The following STRBP variants were observed in gnomAD, a reference collection of about 807,000 sequenced individuals.
STRBP encodes spermatid perinuclear RNA binding protein, also known as spermatid perinuclear RNA-binding protein.
A neutral mutation model predicts 80.1 loss-of-function variants in STRBP; 13 were observed. That is an observed-to-expected ratio of 0.16 (90% CI 0.11 to 0.26). STRBP has a LOEUF of 0.26. STRBP is among the 10% of genes least tolerant of loss of function. The pLI, the probability that STRBP is intolerant of heterozygous loss-of-function variation, is 1.00. For missense variants in STRBP, 485 were observed against 815.2 expected (o/e 0.59, Z 4.93); for synonymous variants, 284 against 291.2 (o/e 0.98, Z 0.25).
chr9:123,193,254 C>T (rs149313869), intron 2 of STRBP, among the ~76,000 whole-genome samples: 43 of 152,278 alleles, frequency 2.8e-4, no homozygotes, highest in Non-Finnish European at 4.9e-4. Flanking sequence ...CTGCACTCAG[C>T]AGAGGCTCAA....
At chr9:123,191,168 C>T (rs1377176373) in intron 2 of STRBP, among the ~76,000 whole-genome samples, 1 of 152,172 alleles carries the variant, frequency 6.6e-6, no homozygotes, top group Non-Finnish European at 1.5e-5. Context: ...GTTGAGGAGG[C>T]AACAGAGTAA....
chr9:123,206,834 C>T (rs543325803), intron 2 of STRBP, among the ~76,000 whole-genome samples: 25 of 152,122 alleles, frequency 1.6e-4, no homozygotes, highest in African/African-American at 4.1e-4. Context: ...GACGGGGTTT[C>T]GCCATGTTGG....
At chr9:123,241,798 C>A (rs1270492309) in intron 1 of STRBP, among the ~76,000 whole-genome samples, 1 of 152,172 alleles carries the variant, frequency 6.6e-6, no homozygotes, top group Admixed American at 6.5e-5. Context: ...GTTCTGGTCT[C>A]TCTCCATACA....
chr9:123,213,686 G>T (rs2039790438), intron 2 of STRBP: 4 of 152,048 alleles, frequency 2.6e-5, no homozygotes, highest in East Asian at 1.9e-4. Context: ...AGCACTTTAG[G>T]AGCCAAGGCG....
chr9:123,253,161 TTAAAA>T (rs1333249678), intron 1 of STRBP, among the ~76,000 whole-genome samples: 3 of 152,048 alleles, frequency 2.0e-5, no homozygotes, highest in Non-Finnish European at 4.4e-5. Context: ...ATTTATGAAT[TTAAAA>T]TAAAATCATA....
chr9:123,119,261 C>T (rs192762944), downstream of STRBP, among the ~76,000 whole-genome samples: 11 of 152,204 alleles, frequency 7.2e-5, no homozygotes, highest in East Asian at 1.2e-3. Flanking sequence ...GGTTAGATTC[C>T]GGAGGCAGTT....
At chr9:123,111,081 G>C (rs576940842) in intron 3 of STRBP, 1 of 167,296 alleles carries the variant, frequency 6.0e-6, no homozygotes, top group African/African-American at 2.4e-5. Flanking sequence ...GGCTTGCCTG[G>C]CTACTTCCAA....
intron 14 of STRBP, among the ~76,000 whole-genome samples, chr9:123,139,056 T>C (rs2036479958): frequency 6.6e-6 from 1 of 152,234 alleles, no homozygotes; most frequent in African/African-American, 2.4e-5. Flanking sequence ...ATACATACTG[T>C]GTCAGGCTAT....
In STRBP at chr9:123,115,474, C is replaced by T. The variant is rs1280301732; in HGVS notation, c.*84+455G>A. On this transcript the variant is annotated intron_variant and NMD_transcript_variant, in intron 3 of 3. Coordinates refer to the STRBP transcript ENST00000471564. This position sits in a 1 kb window ranked among gnomAD's most constrained non-coding sequence, Gnocchi z 5.0. ...ACTCTCATTCTGTTCAAATCCTCTG[C>T]ACCTCTTTCTTCCCCTCCCTGTACT... 2.3e-6 allele frequency: 1 copy of T among 442,984 alleles called. No individual in the cohort carries two copies. Among genetic ancestry groups the T allele is most frequent in the African/African-American group, 2.0e-5 (1 of 49,450 alleles). The allele number at this position is 442,984 out of a possible 1,614,324, so 27.4% of individuals were successfully genotyped here.
At position 123,179,052 on chromosome 9, in the gene STRBP, C is replaced by T. The variant is rs761501828; in HGVS notation, c.179G>A (p.Gly60Asp). Residue 60 changes from glycine (G) to aspartate (D), a missense_variant, in exon 4 of 19, where the codon GGT (glycine) becomes GAT (aspartate). Physicochemically the swap from Gly to Asp is moderately conservative, Grantham distance 94. This residue lies in a region of STRBP where 377 missense variants were observed against 616.1 expected (regional missense o/e 0.61). Transcript: ENST00000348403. ...CTCATCTTTCTTCACTTCTGTCTCA[C>T]CCTCTGTTTTTGTGCCTTTATTTGT... ...DETNKGTKTEGETEVKKDEAG... is the reference protein window; with the variant it reads ...DETNKGTKTEDETEVKKDEAG... 13 of 1,614,026 alleles carry T rather than the reference C, an allele frequency of 8.1e-6. No individual in the cohort carries two copies. The highest frequency in any genetic ancestry group is 1.3e-5 in the African/African-American group (1 of 74,936).
chr9:123,199,543 T>C (rs914341566), intron 2 of STRBP, among the ~76,000 whole-genome samples: 12 of 152,238 alleles, frequency 7.9e-5, no homozygotes, highest in African/African-American at 2.9e-4. Context: ...GTTTGTATCA[T>C]CTACAGTTTC....
In STRBP at chr9:123,110,146, G is replaced by T. The variant is rs1263895238; in HGVS notation, c.*85-393C>A. 1 of 152,152 alleles carries T rather than the reference G, an allele frequency of 6.6e-6. No homozygotes were observed. The highest frequency in any genetic ancestry group is 1.9e-4 in the East Asian group (1 of 5,164). The allele number at this position is 152,152 out of a possible 1,614,324, so 9.4% of individuals were successfully genotyped here. On this transcript the variant is annotated intron_variant and NMD_transcript_variant, in intron 3 of 3. Transcript: ENST00000471564. This position sits in a 1 kb window ranked among gnomAD's most constrained non-coding sequence, Gnocchi z 4.1. ...GCCTACCTTAGTCCTTAGTGTGAGGGCTTCAGGTCTAGACTGGCTGCACCT... is the reference window on the plus strand; with the variant it reads ...GCCTACCTTAGTCCTTAGTGTGAGGTCTTCAGGTCTAGACTGGCTGCACCT...
At position 123,161,013 on chromosome 9, in the gene STRBP, G is replaced by A. The variant is rs759832049; in HGVS notation, c.591C>T (p.Asn197=). 5.5e-5 allele frequency: 88 copies of A among 1,592,610 alleles called. No individual in the cohort carries two copies. Among genetic ancestry groups the A allele is most frequent in the African/African-American group, 1.1e-4 (8 of 72,902 alleles). ...TGGCATGTCGAAGAGACGCCAAGGC[G>A]TTCAGGCATTTCTGCCTGTCCAATA... The part of the protein sequence containing the change: ...PDLLDRQKCL[N]ALASLRHAKW... The change falls in exon 7 of 19, where the codon AAC becomes AAT. Residue 197 remains asparagine (N), a synonymous_variant. Transcript: ENST00000348403.
intron 1 of STRBP, among the ~76,000 whole-genome samples, chr9:123,266,224 A>G (rs1434101076): frequency 5.3e-5 from 8 of 151,868 alleles, no homozygotes; most frequent in African/African-American, 1.9e-4. Context: ...CGTCAAACCA[A>G]TATGCTAGGA....
intron 2 of STRBP, among the ~76,000 whole-genome samples, chr9:123,236,042 A>G (rs2040552255): frequency 6.6e-6 from 1 of 152,234 alleles, no homozygotes; most frequent in Admixed American, 6.5e-5. Context: ...CACTAGCAAG[A>G]ACATTTCAAC....
intron 2 of STRBP, among the ~76,000 whole-genome samples, chr9:123,201,997 C>G (rs1222581714): frequency 6.6e-6 from 1 of 152,168 alleles, no homozygotes; most frequent in Non-Finnish European, 1.5e-5. Context: ...TATATAGTGA[C>G]TATATTTGCC....
chr9:123,261,678 C>G (rs2041164321), intron 1 of STRBP, among the ~76,000 whole-genome samples: 1 of 152,212 alleles, frequency 6.6e-6, no homozygotes, highest in Admixed American at 6.5e-5. Context: ...ATCTGTTCTT[C>G]TATGCTAACC....
At position 123,122,877 on chromosome 9, in the gene STRBP, G is replaced by A; in HGVS notation, c.*2720C>T. ...CTCTACACTGACCTGTAAACTCCCT[G>A]ACAAGAAACTATGCTAAAAAGGGGT... On this transcript the variant is annotated 3_prime_UTR_variant, in exon 19 of 19. Coordinates refer to ENST00000348403, the MANE Select transcript of STRBP (RefSeq NM_018387.5). The A allele has an allele frequency of 1.0e-6, 1 of 985,530 alleles. No individual in the cohort carries two copies. Among genetic ancestry groups the A allele is most frequent in the Non-Finnish European group, 1.2e-6 (1 of 830,008 alleles). The allele number at this position is 985,530 out of a possible 1,614,324, so 61.0% of individuals were successfully genotyped here.
chr9:123,122,415 TG>T lies in STRBP; in HGVS notation c.*3181del. 2 of 1,190,990 alleles carry T rather than the reference TG, an allele frequency of 1.7e-6. No individual in the cohort carries two copies. Among genetic ancestry groups the T allele is most frequent in the Non-Finnish European group, 2.1e-6 (2 of 944,780 alleles). The allele number at this position is 1,190,990 out of a possible 1,614,324, so 73.8% of individuals were successfully genotyped here. On this transcript the variant is annotated 3_prime_UTR_variant, in exon 19 of 19. Transcript: ENST00000348403. ...TCAATTAATAATGGTGGCTGATTCA[TG>T]ATTTTCAAACATTCACCCAAAATTA... is the stretch of plus-strand genomic sequence containing the variant.
Sources: allele counts gnomAD v4.1 joint callset (sites outside exome capture counted in the v4.1 genomes callset), GRCh38; gene constraint gnomAD v4.1.1; regional missense constraint gnomAD v4.1.1; non-coding constraint Gnocchi (gnomAD v3.1); transcripts MANE v1.5; gene names NCBI Gene and HGNC (gene_info 2026-07-23, HGNC 2026-07-21).